The following TDRD3 variants were observed in gnomAD, a reference collection of about 807,000 sequenced individuals.
The protein encoded by TDRD3 is tudor domain containing 3, also known as tudor domain-containing protein 3.
In TDRD3, 45 loss-of-function variants were observed where a neutral mutation model predicts 86.7. The observed-to-expected ratio is 0.52, with a 90% confidence interval of 0.41 to 0.67. TDRD3 has a LOEUF of 0.67. TDRD3 is among the 30% of genes least tolerant of loss of function. The pLI, the probability that TDRD3 is intolerant of heterozygous loss-of-function variation, is 0.00. For synonymous variants in TDRD3, 298 were observed against 301.7 expected (o/e 0.99, Z 0.13); for missense variants, 814 against 889.0 (o/e 0.92, Z 1.07).
chr13:60,444,654 C>T (rs1474045763), intron 2 of TDRD3, 29 bp from the exon 3 acceptor site: 1 of 1,187,550 alleles, frequency 8.4e-7, no homozygotes, highest in Non-Finnish European at 1.2e-6. Flanking sequence ...TTCTATAATT[C>T]CATTTTAATA....
chr13:60,570,139 G>A (rs1958553303), intron 13 of TDRD3, among the ~76,000 whole-genome samples: 1 of 152,094 alleles, frequency 6.6e-6, no homozygotes, highest in African/African-American at 2.4e-5. Context: ...CCCACAGAAT[G>A]GGAGAAGATA....
At chr13:60,409,290 G>A (rs1465742818) in intron 1 of TDRD3, among the ~76,000 whole-genome samples, 1 of 152,212 alleles carries the variant, frequency 6.6e-6, no homozygotes, top group Non-Finnish European at 1.5e-5. Flanking sequence ...GGAAATGTGG[G>A]GTTGGAGCCC....
chr13:60,445,757 T>C (rs530601970), intron 3 of TDRD3, among the ~76,000 whole-genome samples: 31 of 152,174 alleles, frequency 2.0e-4, no homozygotes, highest in Non-Finnish European at 3.4e-4. Flanking sequence ...CAAATCTCTA[T>C]AGGAAAAGTA....
In TDRD3 at chr13:60,519,326, G is replaced by T. The variant is rs202127102; in HGVS notation, c.1141+8571G>T. On this transcript the variant is annotated intron_variant, in intron 10 of 13. Transcript: ENST00000377881. ...TAAATGCAAAATATATATTATTTCC[G>T]TTTGACAGATAAGGAAATAGGTTTG... 2.6e-5 allele frequency among the ~76,000 whole-genome samples: 4 copies of T among 151,918 alleles called. No individual in the cohort carries two copies. In the East Asian group the frequency reaches 7.7e-4, roughly 29 times the overall value.
At chr13:60,538,596 G>C (rs1310122171) in intron 12 of TDRD3, among the ~76,000 whole-genome samples, 1 of 152,000 alleles carries the variant, frequency 6.6e-6, no homozygotes, top group Non-Finnish European at 1.5e-5. Flanking sequence ...TGTTTCACTA[G>C]TAAAATTATA....
intron 1 of TDRD3, among the ~76,000 whole-genome samples, chr13:60,412,639 TATTA>T (rs543240652): frequency 2.6e-5 from 4 of 152,162 alleles, no homozygotes; most frequent in Non-Finnish European, 5.9e-5. Flanking sequence ...TACTTTTAGT[TATTA>T]ATTAGTATTT....
intron 8 of TDRD3, among the ~76,000 whole-genome samples, chr13:60,503,231 TAC>T (rs2137615634): frequency 6.6e-6 from 1 of 152,318 alleles, no homozygotes; most frequent in African/African-American, 2.4e-5. Flanking sequence ...ATTCCAGTGT[TAC>T]AATCTTCAAA....
chr13:60,403,756 A>C (rs1954161280), intron 1 of TDRD3, among the ~76,000 whole-genome samples: 1 of 152,304 alleles, frequency 6.6e-6, no homozygotes, highest in South Asian at 2.1e-4. Context: ...TCACATCTCT[A>C]TTGGATGGAT....
At chr13:60,416,324 CAA>C (rs1954514268) in intron 1 of TDRD3, among the ~76,000 whole-genome samples, 1 of 151,904 alleles carries the variant, frequency 6.6e-6, no homozygotes, top group Non-Finnish European at 1.5e-5. Flanking sequence ...AACAGATTTA[CAA>C]AACAGTGATT....
intron 1 of TDRD3, among the ~76,000 whole-genome samples, chr13:60,421,786 G>A (rs568585310): frequency 1.3e-4 from 20 of 152,286 alleles, no homozygotes; most frequent in African/African-American, 4.8e-4. Context: ...CCACTTGTGG[G>A]GCTTTGGTGA....
At chr13:60,546,357 CATAA>C (rs1210533375) in intron 12 of TDRD3, among the ~76,000 whole-genome samples, 2 of 151,756 alleles carry the variant, frequency 1.3e-5, no homozygotes, top group Non-Finnish European at 2.9e-5. Flanking sequence ...TCATTAGAAA[CATAA>C]ATAATTAAGA....
chr13:60,444,583 G>C (rs1566195837), intron 2 of TDRD3, 100 bp from the exon 3 acceptor site: 3 of 680,020 alleles, frequency 4.4e-6, no homozygotes, highest in Non-Finnish European at 7.0e-6. Flanking sequence ...CTGAATTTTT[G>C]TTTCACAAAC....
At chr13:60,484,794 G>A (rs1436106591) in intron 6 of TDRD3, 2 of 404,706 alleles carry the variant, frequency 4.9e-6, no homozygotes, top group Non-Finnish European at 9.7e-6. Context: ...ACCTCCACAG[G>A]GAAAACAGTG....
intron 1 of TDRD3, among the ~76,000 whole-genome samples, chr13:60,437,858 C>T (rs1185593721): frequency 6.6e-6 from 1 of 152,090 alleles, no homozygotes; most frequent in Non-Finnish European, 1.5e-5. Flanking sequence ...CTATACTTAT[C>T]TCTTTTTTCT....
At position 60,408,554 on chromosome 13, in the gene TDRD3, G is replaced by T. The variant is rs113106161; in HGVS notation, c.41+11149G>T. Among the ~76,000 whole-genome samples, 304 of 152,296 alleles carry T rather than the reference G, an allele frequency of 2.0e-3. 1 individual carries two copies. Among genetic ancestry groups the T allele is most frequent in the Middle Eastern group, 0.017 (5 of 294 alleles). Reference sequence around the variant, plus strand: ...GGTCTCAGGTGGAGATGAGGAACTTGTTGGGAACTGGGTGACTCTTGTTAT... The same window carrying T: ...GGTCTCAGGTGGAGATGAGGAACTTTTTGGGAACTGGGTGACTCTTGTTAT... On this transcript the variant is annotated intron_variant, in intron 1 of 13. Transcript: ENST00000377881.
intron 12 of TDRD3, among the ~76,000 whole-genome samples, chr13:60,563,283 G>A (rs2137969808): frequency 6.7e-6 from 1 of 150,302 alleles, no homozygotes; most frequent in East Asian, 2.0e-4. Flanking sequence ...TGAACATATT[G>A]CTGGAGCTGA....
chr13:60,498,345 C>A (rs1343628548), intron 8 of TDRD3, among the ~76,000 whole-genome samples: 3 of 152,146 alleles, frequency 2.0e-5, no homozygotes, highest in African/African-American at 7.2e-5. Flanking sequence ...ATAATTGGAT[C>A]CCAAGGTGGC....
chr13:60,396,705 G>C (rs895168817), upstream of TDRD3: 4 of 152,392 alleles, frequency 2.6e-5, no homozygotes, highest in African/African-American at 7.2e-5. Flanking sequence ...GGGGCAACTC[G>C]ATCTGCCCGC....
intron 1 of TDRD3, among the ~76,000 whole-genome samples, chr13:60,438,053 T>TTATA (rs1242649097): frequency 6.6e-6 from 1 of 152,160 alleles, no homozygotes; most frequent in East Asian, 1.9e-4. Context: ...ATGTATTGTG[T>TTATA]TATACTGTAT....
Sources: allele counts gnomAD v4.1 joint callset (sites outside exome capture counted in the v4.1 genomes callset), GRCh38; gene constraint gnomAD v4.1.1; transcripts MANE v1.5; gene names NCBI Gene and HGNC (gene_info 2026-07-23, HGNC 2026-07-21).